ANAPC16: variants seen among roughly 807,000 people sequenced by gnomAD.
ANAPC16 encodes the protein anaphase promoting complex subunit 16.
ANAPC16 carries 6 observed loss-of-function variants against 13.1 expected under a neutral mutation model. That is an observed-to-expected ratio of 0.46 (90% CI 0.25 to 0.90). ANAPC16 has a LOEUF of 0.90. ANAPC16 is among the 40% of genes least tolerant of loss of function. The probability of loss-of-function intolerance (pLI) is 0.18; values close to 1 mark genes in which losing one functional copy is unlikely to be tolerated. For synonymous variants in ANAPC16, 55 were observed against 51.3 expected, an observed-to-expected ratio of 1.07 and a Z score of -0.31; for missense variants, 113 against 131.1, an observed-to-expected ratio of 0.86 and a Z score of 0.67.
Position 72,233,377 on chromosome 10 carries a change from G to T in ANAPC16, c.*261G>T, listed in dbSNP as rs1026191596. 5.7e-6 allele frequency: 2 copies of T among 350,328 alleles called. No individual in the cohort carries two copies. Among genetic ancestry groups the T allele is most frequent in the Non-Finnish European group, 5.3e-6 (1 of 188,182 alleles). The allele number at this position is 350,328 out of a possible 1,614,324, so 21.7% of individuals were successfully genotyped here. On this transcript the variant is annotated 3_prime_UTR_variant, in exon 4 of 4. Coordinates refer to ENST00000299381, the MANE Select transcript of ANAPC16 (RefSeq NM_173473.4). ...GTTTCAGAGAACCAGGAGGTTTGGG[G>T]TTAAGAGATACTCAAAAATTTTCAC...
At chr10:72,216,708 T>A (rs1859413820) in intron 1 of ANAPC16, 1 of 406,626 alleles carries the variant, frequency 2.5e-6, no homozygotes, top group African/African-American at 2.1e-5. Context: ...TGCGAGGTCA[T>A]CCCTGCCGTA....
chr10:72,232,144 C>G (rs1448277830), intron 3 of ANAPC16, among the ~76,000 whole-genome samples: 1 of 145,980 alleles, frequency 6.9e-6, no homozygotes, highest in Non-Finnish European at 1.5e-5. Context: ...TGAGATCACA[C>G]CATTGCACTC....
intron 2 of ANAPC16, among the ~76,000 whole-genome samples, chr10:72,226,648 G>A (rs1349437932): frequency 6.6e-6 from 1 of 151,826 alleles, no homozygotes; most frequent in South Asian, 2.1e-4. Flanking sequence ...ATTCGAGCCT[G>A]GGTGATGGAG....
At chr10:72,221,726 ATTTT>A (rs58310763) in intron 1 of ANAPC16, among the ~76,000 whole-genome samples, 11 of 101,072 alleles carry the variant, frequency 1.1e-4, no homozygotes, top group East Asian at 1.1e-3. Flanking sequence ...ACCCAGCTAA[ATTTT>A]TTTTTTTTTT....
chr10:72,233,211 C>A lies in ANAPC16; in HGVS notation c.*95C>A. The A allele has an allele frequency of 1.1e-6, 1 of 886,990 alleles. No homozygotes were observed. Among genetic ancestry groups the A allele is most frequent in the Non-Finnish European group, 1.8e-6 (1 of 554,878 alleles). 54.9% of individuals were successfully genotyped at this position (886,990 alleles called of 1,614,324 possible). Reference sequence around the variant, plus strand: ...ATAGCCATCCAGAGATCCACAGCTACGTCACTGAATTGTTAATGCACATTT... The same window carrying A: ...ATAGCCATCCAGAGATCCACAGCTAAGTCACTGAATTGTTAATGCACATTT... On this transcript the variant is annotated 3_prime_UTR_variant, in exon 4 of 4. Coordinates refer to ENST00000299381, the MANE Select transcript of ANAPC16 (RefSeq NM_173473.4).
chr10:72,231,317 T>C (rs1280422496), intron 3 of ANAPC16, among the ~76,000 whole-genome samples: 1 of 151,994 alleles, frequency 6.6e-6, no homozygotes, highest in Non-Finnish European at 1.5e-5. Context: ...GCAGGAAGAC[T>C]GCTTGAGCCC....
In ANAPC16 at chr10:72,230,389, G is replaced by A. The variant is rs1031161314; in HGVS notation, c.166G>A (p.Glu56Lys). The A allele has an allele frequency of 3.1e-6, 5 of 1,613,880 alleles. No homozygotes were observed. The highest frequency in any genetic ancestry group is 2.2e-5 in the South Asian group (2 of 91,084). The change falls in exon 3 of 4, where the codon GAA becomes AAA. Residue 56 changes from glutamate (E) to lysine (K), a missense_variant. By Grantham distance (56) the Glu-to-Lys change is moderately conservative. Coordinates refer to ENST00000299381, the MANE Select transcript of ANAPC16 (RefSeq NM_173473.4). ...AGATGGCTCTGAGAGATTCCTCTGC[G>A]AATCTGTTTTTAGCTATCAAGTGGC... ...LEDGSERFLCESVFSYQVAST... is the reference protein window; with the variant it reads ...LEDGSERFLCKSVFSYQVAST...
At chr10:72,216,915 AT>A (rs1174650048) in intron 1 of ANAPC16, 1 of 456,256 alleles carries the variant, frequency 2.2e-6, no homozygotes, top group African/African-American at 2.0e-5. Context: ...CTGGTTGAAG[AT>A]AGAGTTGTGC....
At chr10:72,232,486 G>T (rs954261740) in intron 3 of ANAPC16, among the ~76,000 whole-genome samples, 2 of 151,284 alleles carry the variant, frequency 1.3e-5, no homozygotes, top group Non-Finnish European at 2.9e-5. Flanking sequence ...AGAGGTTTCA[G>T]TGAGCCGAGA....
intron 1 of ANAPC16, among the ~76,000 whole-genome samples, chr10:72,218,480 C>T (rs534518763): frequency 9.0e-4 from 137 of 152,076 alleles, no homozygotes; most frequent in African/African-American, 3.0e-3. Context: ...CAAAATGTCA[C>T]AGCAGATAAG....
chr10:72,226,811 C>T lies in ANAPC16; in HGVS notation c.142+2755C>T, dbSNP rs529377815. 3.9e-5 allele frequency among the ~76,000 whole-genome samples: 6 copies of T among 152,234 alleles called. No homozygotes were observed. In the East Asian group the frequency reaches 1.2e-3, roughly 29 times the overall value. ...ACGGGGGGACTCTGGGACCATAGAG[C>T]TCCCTAGGATTGGTTTGGGTTATGA... On this transcript the variant is annotated intron_variant, in intron 2 of 3. Coordinates refer to ENST00000299381, the MANE Select transcript of ANAPC16 (RefSeq NM_173473.4).
At chr10:72,216,930 T>C (rs540857481) in intron 1 of ANAPC16, 100 of 456,232 alleles carry the variant, frequency 2.2e-4, no homozygotes, top group African/African-American at 1.9e-3. Flanking sequence ...GTTGTGCGAA[T>C]AGATCTGCAC....
intron 2 of ANAPC16, among the ~76,000 whole-genome samples, chr10:72,224,761 C>G (rs1429791707): frequency 3.3e-5 from 5 of 152,088 alleles, no homozygotes; most frequent in Non-Finnish European, 4.4e-5. Context: ...CGGATAGATT[C>G]ACCCTGTCAG....
chr10:72,233,068 G>A lies in ANAPC16; in HGVS notation c.285G>A (p.Arg95=), dbSNP rs1860375976. The A allele has an allele frequency of 1.9e-6, 3 of 1,614,106 alleles. No homozygotes were observed. Among genetic ancestry groups the A allele is most frequent in the Admixed American group, 1.7e-5 (1 of 60,010 alleles). The change falls in exon 4 of 4, where the codon CGG becomes CGA. Residue 95 remains arginine (R), a synonymous_variant. Transcript: ENST00000299381. ...AAGAGCTGGAGGCTGACGAGTGGCG[G>A]TTTAAGCCCATCGAGCAGCTGCTGG... ...LVEELEADEW[R]FKPIEQLLGF...
intron 1 of ANAPC16, chr10:72,217,280 C>T (rs996393623): frequency 5.9e-6 from 2 of 337,670 alleles, no homozygotes; most frequent in African/African-American, 2.2e-5. Flanking sequence ...CGAGACCATC[C>T]TGGCTAACAC....
At chr10:72,218,537 G>A (rs4747240) in intron 1 of ANAPC16, among the ~76,000 whole-genome samples, 1 of 152,042 alleles carries the variant, frequency 6.6e-6, no homozygotes, top group Non-Finnish European at 1.5e-5. Flanking sequence ...TATATAAAAT[G>A]GGGAAGTTGG....
At chr10:72,231,625 C>T (rs186986514) in intron 3 of ANAPC16, among the ~76,000 whole-genome samples, 271 of 152,236 alleles carry the variant, frequency 1.8e-3, no homozygotes, top group African/African-American at 6.1e-3. Flanking sequence ...GGCATGATCG[C>T]GGCTCACTGC....
rs370649575 is a variant in ANAPC16 at position 72,234,555 on chromosome 10, G to A, written c.*1439G>A. 2.6e-5 allele frequency: 4 copies of A among 152,310 alleles called. No individual in the cohort carries two copies. In the East Asian group the frequency reaches 5.8e-4, roughly 22 times the overall value. 9.4% of individuals were successfully genotyped at this position (152,310 alleles called of 1,614,324 possible). A position where few individuals can be genotyped will look rare whatever the true frequency, so the allele number is the denominator to read the frequency against. The stretch of plus-strand genomic sequence containing the variant: ...AACTGGTATAATCATTTATTACGTT[G>A]TATGCAAATTTTGCCTTAGACAACA... On this transcript the variant is annotated 3_prime_UTR_variant, in exon 4 of 4. Transcript: ENST00000299381.
rs181998900 is a variant in ANAPC16 at position 72,231,580 on chromosome 10, G to A, written c.217+1140G>A. On this transcript the variant is annotated intron_variant, in intron 3 of 3. Transcript: ENST00000299381. ...TAAAATGACTTTTATTTTTTGAGAC[G>A]GAGTCTCTCACTGTCACCCGGGCTG... Among the ~76,000 whole-genome samples the A allele has an allele frequency of 5.5e-3, 831 of 152,090 alleles. 2 individuals are homozygous for A. Among genetic ancestry groups the A allele is most frequent in the Non-Finnish European group, 9.0e-3 (609 of 67,996 alleles).
Sources: allele counts gnomAD v4.1 joint callset (sites outside exome capture counted in the v4.1 genomes callset), GRCh38; gene constraint gnomAD v4.1.1; transcripts MANE v1.5; gene names NCBI Gene and HGNC (gene_info 2026-07-23, HGNC 2026-07-21).